GPBP1: variants seen among roughly 807,000 people sequenced by gnomAD.
The protein encoded by GPBP1 is GC-rich promoter binding protein 1.
In GPBP1, 13 loss-of-function variants were observed where a neutral mutation model predicts 56.5. The observed-to-expected ratio is 0.23, with a 90% CI of 0.15 to 0.37. The LOEUF is 0.37. Among genes scored for constraint, GPBP1 ranks in the 10% least tolerant of loss-of-function variants. The pLI, the probability that GPBP1 is intolerant of heterozygous loss-of-function variation, is 1.00. For synonymous variants in GPBP1, 204 were observed against 188.9 expected, an observed-to-expected ratio of 1.08 and a Z score of -0.66; for missense variants, 477 against 572.3, an observed-to-expected ratio of 0.83 and a Z score of 1.70.
At chr5:57,218,205 C>G (rs550964044) in intron 3 of GPBP1, among the ~76,000 whole-genome samples, 3 of 152,238 alleles carry the variant, frequency 2.0e-5, no homozygotes, top group African/African-American at 7.2e-5. Context: ...CATTTCAGTT[C>G]TGACACTGTC....
intron 3 of GPBP1, among the ~76,000 whole-genome samples, chr5:57,217,262 A>G (rs1755736343): frequency 6.6e-6 from 1 of 151,994 alleles, no homozygotes; most frequent in South Asian, 2.1e-4. Flanking sequence ...CTCCAGCATG[A>G]TCTAGTGTGT....
intron 3 of GPBP1, among the ~76,000 whole-genome samples, chr5:57,227,578 C>G (rs1478780221): frequency 6.6e-6 from 1 of 152,164 alleles, no homozygotes; most frequent in Non-Finnish European, 1.5e-5. Flanking sequence ...TTGCAGTAAG[C>G]AACATTGAGG....
intron 10 of GPBP1, among the ~76,000 whole-genome samples, chr5:57,252,510 C>G (rs73129922): frequency 0.031 from 4,775 of 152,116 alleles, 261 homozygotes; most frequent in African/African-American, 0.11. Flanking sequence ...CCCACCTCAG[C>G]CTACCAAGTA....
chr5:57,185,670 G>T (rs1348976910), intron 2 of GPBP1, among the ~76,000 whole-genome samples: 2 of 151,962 alleles, frequency 1.3e-5, no homozygotes, highest in African/African-American at 4.8e-5. Flanking sequence ...CGTGTGTTTT[G>T]GTGAAGTGTC....
At chr5:57,229,948 G>GT (rs1756373048) in intron 3 of GPBP1, among the ~76,000 whole-genome samples, 1 of 148,734 alleles carries the variant, frequency 6.7e-6, no homozygotes, top group Admixed American at 6.6e-5. Context: ...ATCGCGTCCC[G>GT]TCCCGTCCCG....
intron 3 of GPBP1, among the ~76,000 whole-genome samples, chr5:57,220,912 CCT>C (rs1208389262): frequency 1.0e-5 from 1 of 100,294 alleles, no homozygotes. Context: ...TTGTAATTAA[CCT>C]CTTGTTTTCT....
At chr5:57,200,887 C>G (rs1293826024) in intron 2 of GPBP1, among the ~76,000 whole-genome samples, 1 of 152,140 alleles carries the variant, frequency 6.6e-6, no homozygotes, top group Non-Finnish European at 1.5e-5. Flanking sequence ...ACCGTGTTAG[C>G]CAGGATGGTC....
At chr5:57,258,380 A>G (rs915171510) in intron 10 of GPBP1, among the ~76,000 whole-genome samples, 1 of 152,062 alleles carries the variant, frequency 6.6e-6, no homozygotes, top group Non-Finnish European at 1.5e-5. Context: ...TACCTAGGCT[A>G]TATGGTATAG....
intron 6 of GPBP1, chr5:57,245,844 T>C (rs1741063491): frequency 2.0e-5 from 3 of 152,526 alleles, no homozygotes; most frequent in Admixed American, 2.0e-4. Context: ...AGGAATGTAA[T>C]TTCTTGCTTA....
chr5:57,226,826 G>A lies in GPBP1; in HGVS notation c.64-4020G>A, dbSNP rs563002538. 3.0e-5 allele frequency among the ~76,000 whole-genome samples: 4 copies of A among 133,684 alleles called. No individual in the cohort carries two copies. In the South Asian group the frequency reaches 7.3e-4, roughly 25 times the overall value. 87.7% of individuals were successfully genotyped at this position (133,684 alleles called of 152,430 possible). A position where few individuals can be genotyped will look rare whatever the true frequency, so the allele number is the denominator to read the frequency against. On this transcript the variant is annotated intron_variant, in intron 3 of 11. Coordinates refer to ENST00000506184, the MANE Select transcript of GPBP1 (RefSeq NM_022913.4). ...GCGATCTCTGCTCACTGCAAGCTCC[G>A]CCTCCTGAGTTCATGCCATTCTCCT...
chr5:57,237,345 C>G, intron 6 of GPBP1: 1 of 615,552 alleles, frequency 1.6e-6, no homozygotes, highest in Non-Finnish European at 2.9e-6. Flanking sequence ...ATAAAACTAT[C>G]TATAGATACT....
chr5:57,201,707 T>C (rs1755031406), intron 2 of GPBP1, among the ~76,000 whole-genome samples: 1 of 152,230 alleles, frequency 6.6e-6, no homozygotes, highest in African/African-American at 2.4e-5. Context: ...ATGGATATTG[T>C]AGTGCAATGC....
chr5:57,229,758 C>T (rs13156045), intron 3 of GPBP1, among the ~76,000 whole-genome samples: 36,790 of 151,712 alleles, frequency 0.24, 4,808 homozygotes, highest in Middle Eastern at 0.31. Flanking sequence ...GGTCTGGTCT[C>T]GAACTCCTGA....
chr5:57,207,944 C>T (rs74495419), intron 2 of GPBP1, among the ~76,000 whole-genome samples: 2,011 of 152,184 alleles, frequency 0.013, 43 homozygotes, highest in African/African-American at 0.044. Flanking sequence ...CTCTCGATGA[C>T]GTCCAGCCAC....
At chr5:57,177,622 C>T (rs1054931450) in intron 2 of GPBP1, among the ~76,000 whole-genome samples, 4 of 149,972 alleles carry the variant, frequency 2.7e-5, no homozygotes, top group African/African-American at 9.8e-5. Flanking sequence ...TACAGGTGCC[C>T]GCCACCACGC....
chr5:57,240,530 A>AT (rs1405810462), intron 6 of GPBP1, among the ~76,000 whole-genome samples: 2 of 152,214 alleles, frequency 1.3e-5, no homozygotes, highest in African/African-American at 2.4e-5. Flanking sequence ...CTTCATTAAT[A>AT]TAATGGTGGA....
At chr5:57,229,230 C>CAA (rs543005934) in intron 3 of GPBP1, among the ~76,000 whole-genome samples, 809 of 77,308 alleles carry the variant, frequency 0.01, 194 homozygotes, top group Non-Finnish European at 0.015. Context: ...GACTCCATCT[C>CAA]AAAAAAAAAA....
intron 10 of GPBP1, among the ~76,000 whole-genome samples, chr5:57,258,710 G>C (rs747656654): frequency 6.6e-6 from 1 of 152,012 alleles, no homozygotes; most frequent in Non-Finnish European, 1.5e-5. Flanking sequence ...TTAACTCCTG[G>C]GCTCAAGTGA....
At chr5:57,232,988 A>G (rs1052360004) in intron 5 of GPBP1, among the ~76,000 whole-genome samples, 1 of 152,198 alleles carries the variant, frequency 6.6e-6, no homozygotes, top group Non-Finnish European at 1.5e-5. Flanking sequence ...TTTAAATTGA[A>G]TGGAATTTTT....
Sources: allele counts gnomAD v4.1 joint callset (sites outside exome capture counted in the v4.1 genomes callset), GRCh38; gene constraint gnomAD v4.1.1; transcripts MANE v1.5; gene names NCBI Gene and HGNC (gene_info 2026-07-23, HGNC 2026-07-21).